NFRKB: variants seen among roughly 807,000 people sequenced by gnomAD.
NFRKB encodes the protein nuclear factor related to kappa-B-binding protein.
In NFRKB, 62 loss-of-function variants were observed where a neutral mutation model predicts 135.7. That is an observed-to-expected ratio of 0.46 (90% CI 0.37 to 0.56). The LOEUF (loss-of-function observed/expected upper bound fraction) is 0.56. NFRKB is among the 20% of genes least tolerant of loss of function. NFRKB has a pLI of 0.00. For synonymous variants in NFRKB, 678 were observed against 635.6 expected (o/e 1.07, Z -1.00); for missense variants, 1,545 against 1,662.0 (o/e 0.93, Z 1.22).
chr11:129,881,590 T>G, intron 12 of NFRKB, 82 bp from the exon 13 acceptor site: 2 of 1,598,534 alleles, frequency 1.3e-6, no homozygotes, highest in Non-Finnish European at 1.7e-6. Context: ...CCACAATGTA[T>G]TAGAAAAGCA....
chr11:129,875,454 G>A lies in NFRKB; in HGVS notation c.1757C>T (p.Ala586Val), dbSNP rs1372529219. 6.2e-7 allele frequency: 1 copy of A among 1,603,788 alleles called. No homozygotes were observed. Among genetic ancestry groups the A allele is most frequent in the South Asian group, 1.1e-5 (1 of 88,494 alleles). The change falls in exon 18 of 27, where the codon GCT (alanine) becomes GTT (valine). Residue 586 changes from alanine (A) to valine (V), a missense_variant. This residue lies in a region of NFRKB where 114 missense variants were observed against 211.0 expected (regional missense o/e 0.54). Transcript: ENST00000682444. The stretch of plus-strand genomic sequence containing the variant: ...TTCTCCATTAGGCAGTCGAGCCGCA[G>A]CGTCCCGAACTGATGACATGAGAAA... ...YVTILSLVRD[A>V]AARLPNGEGT...
intron 17 of NFRKB, 125 bp from the exon 18 acceptor site, chr11:129,875,588 C>T (rs374239136): frequency 7.6e-5 from 48 of 635,210 alleles, no homozygotes; most frequent in East Asian, 5.3e-4. Context: ...TCCCTGATGC[C>T]GGATTAGGTG....
Position 129,869,609 on chromosome 11 carries a change from G to C in NFRKB, c.3416C>G (p.Ser1139Cys). The change falls in exon 24 of 27, where the codon TCC (serine) becomes TGC (cysteine). Residue 1139 changes from serine (S) to cysteine (C), a missense_variant. By Grantham distance (112) the Ser-to-Cys change is moderately radical (BLOSUM62 -1). This residue lies in a region of NFRKB where 753 missense variants were observed against 804.3 expected (regional missense o/e 0.94). Transcript: ENST00000682444. ...VSLPSMNAAV[S>C]KTVAVASGAA... ...CCCAGAAGCCACAGCTACAGTCTTGGACACAGCAGCATTCATACTGGGTAA... is the reference window on the plus strand; with the variant it reads ...CCCAGAAGCCACAGCTACAGTCTTGCACACAGCAGCATTCATACTGGGTAA... 6.2e-7 allele frequency: 1 copy of C among 1,614,180 alleles called. No individual in the cohort carries two copies. Among genetic ancestry groups the C allele is most frequent in the Non-Finnish European group, 8.5e-7 (1 of 1,180,040 alleles).
intron 3 of NFRKB, among the ~76,000 whole-genome samples, chr11:129,889,346 A>G (rs1056433876): frequency 6.6e-6 from 1 of 152,118 alleles, no homozygotes; most frequent in Non-Finnish European, 1.5e-5. Flanking sequence ...CCAACAGTAA[A>G]TAATTATCCA....
Position 129,865,096 on chromosome 11 carries a change from C to A in NFRKB, c.3644G>T (p.Ser1215Ile). ...IIKGNLGANL[S>I]GLGRNIILTT... ...GAGGATGATGTTGCGGCCCAACCCACTGAGGCTGTGGAGGGAAAGCAGGGG... is the reference window on the plus strand; with the variant it reads ...GAGGATGATGTTGCGGCCCAACCCAATGAGGCTGTGGAGGGAAAGCAGGGG... The change falls in exon 26 of 27, where the codon AGT becomes ATT. Residue 1215 changes from serine (S) to isoleucine (I), a missense_variant. Ser to Ile is a moderately radical substitution (Grantham distance 142). Transcript: ENST00000682444. 6.2e-7 allele frequency: 1 copy of A among 1,608,506 alleles called. No homozygotes were observed. Among genetic ancestry groups the A allele is most frequent in the Non-Finnish European group, 8.5e-7 (1 of 1,176,788 alleles).
At position 129,888,636 on chromosome 11, in the gene NFRKB, G is replaced by T; in HGVS notation, c.295C>A (p.Arg99Ser). 1 of 1,614,148 alleles carries T rather than the reference G, an allele frequency of 6.2e-7. No homozygotes were observed. The change falls in exon 4 of 27, where the codon CGC (arginine) becomes AGC (serine). Residue 99 changes from arginine to serine, a missense_variant. Coordinates refer to ENST00000682444, the MANE Select transcript of NFRKB (RefSeq NM_001143835.2). ...GCAATGTGCAGAGGGTTTCCAAAGC[G>T]GAAGTTCTCCCCACTGAACAAGGCT... is the stretch of plus-strand genomic sequence containing the variant. The part of the protein sequence containing the change: ...ILALFSGENF[R>S]FGNPLHIAQK...
rs1353202637 is a variant in NFRKB, at chr11:129,877,536, C to G, written c.1512-151G>C. The G allele has an allele frequency of 5.5e-6, 4 of 720,776 alleles. No individual in the cohort carries two copies. In the East Asian group the frequency reaches 7.5e-5, roughly 14 times the overall value. 44.6% of individuals were successfully genotyped at this position (720,776 alleles called of 1,614,324 possible). On this transcript the variant is annotated intron_variant, in intron 15 of 26. Coordinates refer to ENST00000682444, the MANE Select transcript of NFRKB (RefSeq NM_001143835.2). ...CAAAGGCGAAGAGCCCACCTTCCAGCTCCTACGAAGTAACTCCTGTTGGTA... is the reference window on the plus strand; with the variant it reads ...CAAAGGCGAAGAGCCCACCTTCCAGGTCCTACGAAGTAACTCCTGTTGGTA...
rs944265893 is a variant in NFRKB at position 129,873,921 on chromosome 11, G to A, written c.2374C>T (p.Arg792Trp). 1.1e-5 allele frequency: 18 copies of A among 1,613,520 alleles called. No individual in the cohort carries two copies. The highest frequency in any genetic ancestry group is 1.7e-5 in the Admixed American group (1 of 60,024). The change falls in exon 22 of 27, where the codon CGG becomes TGG. Residue 792 changes from arginine to tryptophan, a missense_variant. Transcript: ENST00000682444. ...QTAPSSQAAA[R>W]VVSHSGSAGL... is the part of the protein sequence containing the mutation. ...GCAGAGCCAGAGTGGCTCACGACCCGGGCGGCAGCCTGAGAACTGGGTGCA... is the reference window on the plus strand; with the variant it reads ...GCAGAGCCAGAGTGGCTCACGACCCAGGCGGCAGCCTGAGAACTGGGTGCA...
chr11:129,883,652 T>A (rs1591518490), intron 8 of NFRKB, among the ~76,000 whole-genome samples: 1 of 152,170 alleles, frequency 6.6e-6, no homozygotes, highest in Non-Finnish European at 1.5e-5. Context: ...AGGTATCATC[T>A]TTTCTCCACT....
intron 13 of NFRKB, 141 bp downstream of exon 13, chr11:129,881,302 A>G: frequency 1.3e-6 from 1 of 751,128 alleles, no homozygotes; most frequent in Non-Finnish European, 2.2e-6. Context: ...GTGTTGAAGG[A>G]CTCCTTCACA....
At position 129,864,690 on chromosome 11, in the gene NFRKB, G is replaced by A. The variant is rs1335541558; in HGVS notation, c.*35C>T. On this transcript the variant is annotated 3_prime_UTR_variant, in exon 27 of 27. Coordinates refer to ENST00000682444, the MANE Select transcript of NFRKB (RefSeq NM_001143835.2). Reference sequence around the variant, plus strand: ...TCCCTTCTCAGCCAGGACAGACCAGGCATGGTCTTTCACGGAAGCCATCCT... The same window carrying A: ...TCCCTTCTCAGCCAGGACAGACCAGACATGGTCTTTCACGGAAGCCATCCT... 1 of 1,613,552 alleles carries A rather than the reference G, an allele frequency of 6.2e-7. No homozygotes were observed.
chr11:129,867,283 C>CCTTAT (rs941417535), intron 24 of NFRKB, among the ~76,000 whole-genome samples: 71 of 151,468 alleles, frequency 4.7e-4, no homozygotes, highest in African/African-American at 1.7e-3. Context: ...TTTCCCGCTT[C>CCTTAT]CTTATTTCAA....
At chr11:129,878,085 G>A (rs1436883338) in intron 15 of NFRKB, among the ~76,000 whole-genome samples, 1 of 152,122 alleles carries the variant, frequency 6.6e-6, no homozygotes, top group Admixed American at 6.6e-5. Context: ...CAGGTCATAT[G>A]CCCCTTAGAG....
chr11:129,893,334 C>T (rs1406855696), intron 2 of NFRKB: 1 of 431,754 alleles, frequency 2.3e-6, no homozygotes, highest in South Asian at 1.6e-5. Context: ...GGGCAGTCCC[C>T]TTGAATCCAT....
chr11:129,882,673 T>G (rs1949087310), intron 9 of NFRKB, 42 bp from the exon 10 acceptor site: 26 of 1,570,272 alleles, frequency 1.7e-5, no homozygotes, highest in South Asian at 2.3e-5. Context: ...ATGTATCTCC[T>G]ACACAGGGAA....
chr11:129,872,292 A>G (rs1198863332), intron 23 of NFRKB, among the ~76,000 whole-genome samples: 1 of 151,808 alleles, frequency 6.6e-6, no homozygotes, highest in Non-Finnish European at 1.5e-5. Flanking sequence ...TACTTAGGAC[A>G]CTCTCTGGCT....
Position 129,878,578 on chromosome 11 carries a change from G to C in NFRKB, c.1385-35C>G, listed in dbSNP as rs189701368. 4 of 1,540,324 alleles carry C rather than the reference G, an allele frequency of 2.6e-6. No homozygotes were observed. In the South Asian group the frequency reaches 4.5e-5, roughly 17 times the overall value. The stretch of plus-strand genomic sequence containing the variant: ...GAATAAAGAGATAAAAAAATAAGAA[G>C]GTCTAAGGTATTATTGAGAATCCTG... On this transcript the variant is annotated intron_variant, in intron 13 of 26. Transcript: ENST00000682444.
In NFRKB at chr11:129,882,170, G is replaced by A. The variant is rs1276147980; in HGVS notation, c.1107C>T (p.Cys369=). 3 of 1,613,034 alleles carry A rather than the reference G, an allele frequency of 1.9e-6. 1 individual carries two copies. The highest frequency in any genetic ancestry group is 2.2e-5 in the South Asian group (2 of 90,828). Reference sequence around the variant, plus strand: ...TGGAAGATATTTCATTGATTCCAAGGCAAGGCTTGAGGTCTTCAAGGGGCC... The same window carrying A: ...TGGAAGATATTTCATTGATTCCAAGACAAGGCTTGAGGTCTTCAAGGGGCC... The part of the protein sequence containing the change: ...KEEPLEDLKP[C]LGINEISSSF... Residue 369 remains cysteine, a synonymous_variant, in exon 11 of 27, where the codon TGC becomes TGT. Transcript: ENST00000682444.
intron 8 of NFRKB, among the ~76,000 whole-genome samples, chr11:129,883,617 G>A (rs1949131384): frequency 6.6e-6 from 1 of 152,178 alleles, no homozygotes; most frequent in African/African-American, 2.4e-5. Flanking sequence ...CCTAGTCTTA[G>A]AAGGACTGTC....
Sources: gnomAD v4.1 joint callset for allele counts (sites outside exome capture counted in the v4.1 genomes callset) on GRCh38, gnomAD v4.1.1 for gene constraint, gnomAD v4.1.1 regional missense constraint, MANE v1.5 for transcripts, NCBI Gene and HGNC (gene_info 2026-07-23, HGNC 2026-07-21) for gene names.